Variants in DAB1 observed in about 807,000 individuals in gnomAD.
The protein encoded by DAB1 is disabled homolog 1.
Under a neutral mutation model 64.6 loss-of-function variants are expected in DAB1, and 15 were observed. The ratio of observed to expected loss-of-function variants is 0.23; its 90% CI spans 0.16 to 0.36. DAB1 has a LOEUF of 0.36. DAB1 is among the 10% of genes least tolerant of loss of function. The pLI is 1.00. For synonymous variants in DAB1, 235 were observed against 251.9 expected (o/e 0.93, Z 0.64); for missense variants, 596 against 706.7 (o/e 0.84, Z 1.78).
At chr1:58,245,228 C>T (rs1660476889) in intron 4 of DAB1, among the ~76,000 whole-genome samples, 2 of 152,296 alleles carry the variant, frequency 1.3e-5, no homozygotes, top group African/African-American at 4.8e-5. Flanking sequence ...CTTCTGTCTG[C>T]CCCATTCAGT....
intron 1 of DAB1, among the ~76,000 whole-genome samples, chr1:57,405,181 A>G (rs1039799968): frequency 1.3e-5 from 2 of 152,348 alleles, no homozygotes; most frequent in South Asian, 4.1e-4. Context: ...GACAGATACA[A>G]ACTTCACTGC....
chr1:57,228,683 A>G (rs1002499104), intron 2 of DAB1, among the ~76,000 whole-genome samples: 2 of 152,208 alleles, frequency 1.3e-5, no homozygotes, highest in African/African-American at 2.4e-5. Flanking sequence ...AATATCTAGT[A>G]AAACTGAAGA....
chr1:57,283,340 C>T lies in DAB1; in HGVS notation c.67+7624G>A, dbSNP rs774658538. Among the ~76,000 whole-genome samples, 6 of 152,172 alleles carry T rather than the reference C, an allele frequency of 3.9e-5. No homozygotes were observed. In the South Asian group the frequency reaches 1.0e-3, roughly 26 times the overall value. ...AAGTGTCTTTTTCTTACCAACTACC[C>T]CATATTCCTCTAGAGAAAAGGGTAC... is the stretch of plus-strand genomic sequence containing the variant. On this transcript the variant is annotated intron_variant, in intron 2 of 14. Transcript: ENST00000371236.
At chr1:57,067,151 C>A (rs1650997099) in intron 8 of DAB1, among the ~76,000 whole-genome samples, 1 of 152,090 alleles carries the variant, frequency 6.6e-6, no homozygotes, top group Non-Finnish European at 1.5e-5. Context: ...AAAGGCCTTT[C>A]CAATAGAAGG....
intron 7 of DAB1, among the ~76,000 whole-genome samples, chr1:57,601,713 CTG>C (rs1645577602): frequency 1.3e-5 from 2 of 152,188 alleles, no homozygotes; most frequent in Non-Finnish European, 2.9e-5. Flanking sequence ...CTTTATAGGA[CTG>C]ATGACTCACC....
intron 4 of DAB1, among the ~76,000 whole-genome samples, chr1:57,086,648 C>CAG (rs1254816427): frequency 3.7e-5 from 5 of 133,406 alleles, no homozygotes. Flanking sequence ...GTCTTAAACA[C>CAG]ACACACACAC....
intron 6 of DAB1, among the ~76,000 whole-genome samples, chr1:57,694,314 A>T (rs1479234800): frequency 6.6e-6 from 1 of 152,178 alleles, no homozygotes; most frequent in Non-Finnish European, 1.5e-5. Context: ...GCAGTATCTT[A>T]GAAAACTGGG....
intron 7 of DAB1, among the ~76,000 whole-genome samples, chr1:57,515,969 C>T (rs749437927): frequency 1.3e-5 from 2 of 152,242 alleles, no homozygotes; most frequent in Non-Finnish European, 2.9e-5. Context: ...CTGAGCAAGA[C>T]AAGCCAAGGC....
chr1:57,755,452 G>A (rs1180601936), intron 6 of DAB1, among the ~76,000 whole-genome samples: 1 of 152,122 alleles, frequency 6.6e-6, no homozygotes, highest in Non-Finnish European at 1.5e-5. Context: ...ATTGAGCCAT[G>A]GGATATGTGA....
chr1:57,812,134 C>T (rs1651648796), intron 6 of DAB1, among the ~76,000 whole-genome samples: 1 of 151,884 alleles, frequency 6.6e-6, no homozygotes, highest in African/African-American at 2.4e-5. Context: ...TGGAATGGGA[C>T]ACATTCCATG....
At chr1:57,630,459 A>G (rs2101627493) in intron 7 of DAB1, among the ~76,000 whole-genome samples, 1 of 152,314 alleles carries the variant, frequency 6.6e-6, no homozygotes, top group East Asian at 1.9e-4. Context: ...AAAAAATGTT[A>G]GTTATTTGTT....
At chr1:57,185,193 G>A (rs1208174628) in intron 2 of DAB1, among the ~76,000 whole-genome samples, 1 of 152,036 alleles carries the variant, frequency 6.6e-6, no homozygotes, top group Non-Finnish European at 1.5e-5. Flanking sequence ...CTGCAATTCT[G>A]CACAGTCCCA....
chr1:57,939,624 G>C (rs561405791), intron 5 of DAB1, among the ~76,000 whole-genome samples: 3 of 152,244 alleles, frequency 2.0e-5, no homozygotes, highest in Admixed American at 2.0e-4. Context: ...ATCCAAGTTG[G>C]GGGAGGCAGA....
intron 6 of DAB1, chr1:57,649,774 C>A (rs940703166): frequency 6.6e-6 from 1 of 152,176 alleles, no homozygotes; most frequent in African/African-American, 2.4e-5. Flanking sequence ...CTCCCATACA[C>A]CAGGCACTGG....
At chr1:57,499,037 G>T (rs919384422) in intron 7 of DAB1, among the ~76,000 whole-genome samples, 1 of 152,100 alleles carries the variant, frequency 6.6e-6, no homozygotes, top group Non-Finnish European at 1.5e-5. Context: ...GTGCAGTGGC[G>T]TGATCTCAGC....
chr1:57,615,121 C>T (rs1645776277), intron 7 of DAB1, among the ~76,000 whole-genome samples: 3 of 152,018 alleles, frequency 2.0e-5, no homozygotes, highest in Admixed American at 1.3e-4. Context: ...CCACCCGCCT[C>T]GGCCTCCCAA....
chr1:57,966,331 G>A (rs552157256), intron 5 of DAB1, among the ~76,000 whole-genome samples: 9 of 152,168 alleles, frequency 5.9e-5, no homozygotes, highest in East Asian at 1.9e-4. Flanking sequence ...ACTTTTTGTG[G>A]GCTCTGGAGA....
intron 3 of DAB1, among the ~76,000 whole-genome samples, chr1:58,409,932 T>C (rs1644650878): frequency 6.6e-6 from 1 of 152,152 alleles, no homozygotes; most frequent in Admixed American, 6.5e-5. Context: ...AGCAAAGCAC[T>C]GGTTTGATGA....
chr1:58,380,705 T>A (rs1644379705), intron 3 of DAB1, among the ~76,000 whole-genome samples: 1 of 152,092 alleles, frequency 6.6e-6, no homozygotes, highest in Non-Finnish European at 1.5e-5. Flanking sequence ...GAGGAAAACA[T>A]CTCAGGCAGA....
Sources: gnomAD v4.1 joint callset for allele counts (sites outside exome capture counted in the v4.1 genomes callset) on GRCh38, gnomAD v4.1.1 for gene constraint, MANE v1.5 for transcripts, NCBI Gene and HGNC (gene_info 2026-07-23, HGNC 2026-07-21) for gene names.